The following DYNC2H1 variants were observed in gnomAD, a reference collection of about 807,000 sequenced individuals.
DYNC2H1 encodes dynein cytoplasmic 2 heavy chain 1, also known as cytoplasmic dynein 2 heavy chain 1.
Under a neutral mutation model 570.0 loss-of-function variants are expected in DYNC2H1, and 410 were observed. The observed-to-expected ratio is 0.72, with a 90% CI of 0.66 to 0.78. The LOEUF (loss-of-function observed/expected upper bound fraction) is 0.78. Among genes scored for constraint, DYNC2H1 ranks in the 30% least tolerant of loss-of-function variants. DYNC2H1 has a pLI of 0.00. For missense variants in DYNC2H1, 4,865 were observed against 5,046.4 expected, an observed-to-expected ratio of 0.96 and a Z score of 1.09; for synonymous variants, 1,688 against 1,677.6, an observed-to-expected ratio of 1.01 and a Z score of -0.15.
intron 40 of DYNC2H1, 49 bp from the exon 41 acceptor site, chr11:103,184,847 G>T (rs1480344163): frequency 1.2e-6 from 2 of 1,601,436 alleles, no homozygotes; most frequent in South Asian, 2.2e-5. Context: ...TATGTTTACT[G>T]GTTAATAGTT....
At chr11:103,361,051 A>G (rs780019338) in intron 83 of DYNC2H1, among the ~76,000 whole-genome samples, 10 of 152,220 alleles carry the variant, frequency 6.6e-5, no homozygotes, top group Non-Finnish European at 1.5e-4. Context: ...GGCGCATTCA[A>G]TAAAACTGAA....
chr11:103,171,885 A>G (rs1418403306), intron 34 of DYNC2H1, among the ~76,000 whole-genome samples: 3 of 152,158 alleles, frequency 2.0e-5, no homozygotes, highest in Non-Finnish European at 4.4e-5. Flanking sequence ...ATTATTCTAT[A>G]TGAATGTTAA....
At chr11:103,467,745 G>A (rs186112201) in intron 87 of DYNC2H1, among the ~76,000 whole-genome samples, 1 of 152,054 alleles carries the variant, frequency 6.6e-6, no homozygotes, top group African/African-American at 2.4e-5. Flanking sequence ...CACCATGTTA[G>A]CCAGGATGGT....
chr11:103,127,599 T>G (rs1859065172), intron 12 of DYNC2H1, among the ~76,000 whole-genome samples: 1 of 152,174 alleles, frequency 6.6e-6, no homozygotes, highest in Non-Finnish European at 1.5e-5. Context: ...TGCCAAGAAT[T>G]TTGTGAGGTG....
chr11:103,441,349 C>T (rs1033403688), intron 85 of DYNC2H1, among the ~76,000 whole-genome samples: 3 of 149,800 alleles, frequency 2.0e-5, no homozygotes, highest in East Asian at 4.0e-4. Context: ...TCGAATGTAA[C>T]CCCCGCACTC....
At chr11:103,300,119 A>G (rs192508060) in intron 75 of DYNC2H1, among the ~76,000 whole-genome samples, 6 of 152,070 alleles carry the variant, frequency 3.9e-5, no homozygotes, top group African/African-American at 1.2e-4. Flanking sequence ...CTTACTACGT[A>G]TAATAGTTTT....
At chr11:103,448,489 A>G (rs919205234) in intron 85 of DYNC2H1, among the ~76,000 whole-genome samples, 1 of 152,134 alleles carries the variant, frequency 6.6e-6, no homozygotes, top group Non-Finnish European at 1.5e-5. Flanking sequence ...GTAAAGGTTA[A>G]AATACCATAA....
In DYNC2H1 at chr11:103,197,999, T is replaced by A; in HGVS notation, c.7775T>A (p.Leu2592Ter). 1 of 1,561,096 alleles carries A rather than the reference T, an allele frequency of 6.4e-7. No individual in the cohort carries two copies. Among genetic ancestry groups the A allele is most frequent in the Non-Finnish European group, 8.7e-7 (1 of 1,151,750 alleles). ...GCAAGGGCAGCCCCAGGACAACCATTACCTCCACATGGAAAACCACTTGGA... is the reference window on the plus strand; with the variant it reads ...GCAAGGGCAGCCCCAGGACAACCATAACCTCCACATGGAAAACCACTTGGA... ...SGARAAPGQP[L>*]PPHGKPLGKL... Residue 2592 changes from leucine (L) to a stop codon, truncating the protein, a stop_gained, in exon 48 of 89, where the codon TTA (leucine) becomes TAA (stop). Coordinates refer to ENST00000375735, the MANE Select transcript of DYNC2H1 (RefSeq NM_001377.3). LOFTEE classifies it high-confidence loss of function.
intron 54 of DYNC2H1, 68 bp downstream of exon 54, chr11:103,212,011 G>A: frequency 7.5e-7 from 1 of 1,326,760 alleles, no homozygotes; most frequent in Non-Finnish European, 9.7e-7. Context: ...AAATCACAAT[G>A]CTATGTTGCG....
rs140987739 is a variant in DYNC2H1 at position 103,193,668 on chromosome 11, C to T, written c.7708+1404C>T. Among the ~76,000 whole-genome samples the T allele has an allele frequency of 9.5e-3, 1,442 of 152,038 alleles. 14 individuals are homozygous for T. Among genetic ancestry groups the T allele is most frequent in the Non-Finnish European group, 0.015 (1,042 of 67,978 alleles). On this transcript the variant is annotated intron_variant, in intron 47 of 88. Coordinates refer to ENST00000375735, the MANE Select transcript of DYNC2H1 (RefSeq NM_001377.3). The stretch of plus-strand genomic sequence containing the variant: ...AACTGATTTTCCTGCCTCAGCCTCC[C>T]GAGTAGCTGGTATTACAGGCATGTG...
In DYNC2H1 at chr11:103,110,099, G is replaced by A. The variant is rs370498936; in HGVS notation, c.195+330G>A. 3.9e-5 allele frequency among the ~76,000 whole-genome samples: 6 copies of A among 152,118 alleles called. No homozygotes were observed. The East Asian group carries it at 5.8e-4, about 15-fold the overall frequency. On this transcript the variant is annotated intron_variant, in intron 1 of 88. Coordinates refer to ENST00000375735, the MANE Select transcript of DYNC2H1 (RefSeq NM_001377.3). ...GATGGAGTGTAGTGGCGCGATCTCT[G>A]CTCACTGCGTCCTCCACCTCCTGAG...
rs1860885475 is a variant in DYNC2H1, at chr11:103,157,376, A to G, written c.4127+606A>G. Among the ~76,000 whole-genome samples the G allele has an allele frequency of 1.3e-5, 2 of 152,234 alleles. No individual in the cohort carries two copies. Among genetic ancestry groups the G allele is most frequent in the Admixed American group, 1.3e-4 (2 of 15,292 alleles). ...CTTCTGAGCTCCAAATCTACCAAAC[A>G]TGCTCAAATAGTAGGCTAAAACTGA... On this transcript the variant is annotated intron_variant, in intron 26 of 88. Coordinates refer to ENST00000375735, the MANE Select transcript of DYNC2H1 (RefSeq NM_001377.3). The surrounding 1 kb of genome is among the most constrained non-coding windows in gnomAD (Gnocchi z 4.2).
intron 48 of DYNC2H1, among the ~76,000 whole-genome samples, chr11:103,198,658 C>G (rs1304120271): frequency 1.3e-5 from 2 of 152,038 alleles, no homozygotes; most frequent in Non-Finnish European, 2.9e-5. Flanking sequence ...GTCTGGTAAA[C>G]TGATTCGCCT....
At chr11:103,382,826 C>T (rs2671393) in intron 83 of DYNC2H1, among the ~76,000 whole-genome samples, 99,766 of 152,086 alleles carry the variant, frequency 0.66, 33,043 homozygotes, top group Admixed American at 0.72. Context: ...CATTTACTTA[C>T]AGCGTTTCAG....
chr11:103,113,198 T>C (rs1225487607), intron 1 of DYNC2H1, among the ~76,000 whole-genome samples: 1 of 152,174 alleles, frequency 6.6e-6, no homozygotes, highest in Non-Finnish European at 1.5e-5. Flanking sequence ...CTTTCATCTG[T>C]ACTATTACTG....
rs535366724 is a variant in DYNC2H1, at chr11:103,320,237, C to T, written c.11726-792C>T. ...TGACCAACATGGTGAAATCCCGTCT[C>T]TACTAAAAATACAAAAATTAGCGGC... On this transcript the variant is annotated intron_variant, in intron 80 of 88. Transcript: ENST00000375735. Among the ~76,000 whole-genome samples the T allele has an allele frequency of 4.6e-5, 7 of 152,172 alleles. No individual in the cohort carries two copies. In the East Asian group the frequency reaches 1.4e-3, roughly 29 times the overall value.
rs531863287 is a variant in DYNC2H1 at position 103,459,815 on chromosome 11, G to A, written c.12648+3459G>A. ...AAAATACAAAAAATTAGCCGGGCGC[G>A]GTGGCGGGCGCCTGTAGTCCCAGCT... is the stretch of plus-strand genomic sequence containing the variant. On this transcript the variant is annotated intron_variant, in intron 87 of 88. Transcript: ENST00000375735. Among the ~76,000 whole-genome samples the A allele has an allele frequency of 6.0e-5, 9 of 150,960 alleles. No homozygotes were observed. The South Asian group carries it at 6.3e-4, about 11-fold the overall frequency.
At position 103,197,995 on chromosome 11, in the gene DYNC2H1, C is replaced by G; in HGVS notation, c.7771C>G (p.Pro2591Ala). 6.4e-7 allele frequency: 1 copy of G among 1,562,146 alleles called. No homozygotes were observed. Among genetic ancestry groups the G allele is most frequent in the East Asian group, 2.4e-5 (1 of 41,916 alleles). Residue 2591 changes from proline (P) to alanine (A), a missense_variant, in exon 48 of 89, where the codon CCA (proline) becomes GCA (alanine). Transcript: ENST00000375735. ...NSGARAAPGQ[P>A]LPPHGKPLGK... Reference sequence around the variant, plus strand: ...AGGAGCAAGGGCAGCCCCAGGACAACCATTACCTCCACATGGAAAACCACT... The same window carrying G: ...AGGAGCAAGGGCAGCCCCAGGACAAGCATTACCTCCACATGGAAAACCACT...
intron 80 of DYNC2H1, among the ~76,000 whole-genome samples, chr11:103,318,322 C>A (rs1937978480): frequency 6.6e-6 from 1 of 152,044 alleles, no homozygotes; most frequent in Admixed American, 6.6e-5. Context: ...CTTTATCTTC[C>A]CCTGTTCCTG....
Sources: allele counts gnomAD v4.1 joint callset (sites outside exome capture counted in the v4.1 genomes callset), GRCh38; gene constraint gnomAD v4.1.1; non-coding constraint Gnocchi (gnomAD v3.1); transcripts MANE v1.5; gene names NCBI Gene and HGNC (gene_info 2026-07-23, HGNC 2026-07-21).